ADAMTS8: variants seen among roughly 807,000 people sequenced by gnomAD.
The protein encoded by ADAMTS8 is ADAM metallopeptidase with thrombospondin type 1 motif 8.
Under a neutral mutation model 64.4 loss-of-function variants are expected in ADAMTS8, and 50 were observed. That is an observed-to-expected ratio of 0.78 (90% confidence interval 0.62 to 0.98). The LOEUF (loss-of-function observed/expected upper bound fraction) is 0.98, where lower values mean the gene tolerates loss of function less well. Ranked by LOEUF, ADAMTS8 falls within the 50% of genes least tolerant of loss-of-function variation. ADAMTS8 has a pLI of 0.00. For synonymous variants in ADAMTS8, 556 were observed against 533.6 expected, an observed-to-expected ratio of 1.04 and a Z score of -0.58; for missense variants, 1,192 against 1,208.2, an observed-to-expected ratio of 0.99 and a Z score of 0.20.
In ADAMTS8 at chr11:130,422,973, A is replaced by G. The variant is rs564112230; in HGVS notation, c.721-3681T>C. On this transcript the variant is annotated intron_variant, in intron 1 of 8. Coordinates refer to ENST00000257359, the MANE Select transcript of ADAMTS8 (RefSeq NM_007037.6). ...GCATTCCATATTTTCTTACATCCTC[A>G]AGACAAGGCTAGGACATTGGTATAA... is the stretch of plus-strand genomic sequence containing the variant. Among the ~76,000 whole-genome samples, 91 of 152,356 alleles carry G rather than the reference A, an allele frequency of 6.0e-4. 1 individual carries two copies. The highest frequency in any genetic ancestry group is 2.1e-3 in the African/African-American group (88 of 41,578).
At chr11:130,417,565 A>G (rs1433194300) in intron 2 of ADAMTS8, among the ~76,000 whole-genome samples, 1 of 150,250 alleles carries the variant, frequency 6.7e-6, no homozygotes, top group Non-Finnish European at 1.5e-5. Context: ...CCTAAATTAA[A>G]CTTTAGAGAC....
In ADAMTS8 at chr11:130,409,018, C is replaced by T. The variant is rs915409590; in HGVS notation, c.1751-78G>A. On this transcript the variant is annotated intron_variant, in intron 6 of 8. Transcript: ENST00000257359. ...ATCCGGTGGAGAAATCCCGAATTTA[C>T]AGCACTTTTCTTCTTTCTTTTGGTT... 7 of 1,482,630 alleles carry T rather than the reference C, an allele frequency of 4.7e-6. No homozygotes were observed. In the East Asian group the frequency reaches 1.4e-4, roughly 30 times the overall value. 91.8% of individuals were successfully genotyped at this position (1,482,630 alleles called of 1,614,324 possible).
chr11:130,428,221 C>CA lies in ADAMTS8; in HGVS notation c.65_66insT (p.Leu23AlafsTer177). On this transcript the variant is annotated frameshift_variant, in exon 1 of 9. Transcript: ENST00000257359. LOFTEE classifies it high-confidence loss of function. ...GCCGGGCCGGGGCGCCGCGGGCCAGCGGCAGCAGCAGCAGCAGCAGCAGCA... is the reference window on the plus strand; with the variant it reads ...GCCGGGCCGGGGCGCCGCGGGCCAGCAGGCAGCAGCAGCAGCAGCAGCAGCA... 1 of 1,188,250 alleles carries CA rather than the reference C, an allele frequency of 8.4e-7. No homozygotes were observed. The allele number at this position is 1,188,250 out of a possible 1,614,324, so 73.6% of individuals were successfully genotyped here.
intron 5 of ADAMTS8, among the ~76,000 whole-genome samples, chr11:130,412,952 C>G (rs2134678261): frequency 6.6e-6 from 1 of 152,316 alleles, no homozygotes; most frequent in Admixed American, 6.5e-5. Flanking sequence ...CTCACTGCAA[C>G]TGCCGCCTCC....
chr11:130,414,523 T>C lies in ADAMTS8; in HGVS notation c.1566+8A>G. On this transcript the variant is annotated splice_region_variant and intron_variant, in intron 5 of 8. Transcript: ENST00000257359. ...CCCTCCCCGCTATCCTCAGGGGCTG[T>C]CCCTCACCTTGGGCCTCTCCACTTC... 6.3e-7 allele frequency: 1 copy of C among 1,585,536 alleles called. No individual in the cohort carries two copies. Among genetic ancestry groups the C allele is most frequent in the Non-Finnish European group, 8.6e-7 (1 of 1,162,842 alleles).
In ADAMTS8 at chr11:130,419,313, A is replaced by G; in HGVS notation, c.721-21T>C. On this transcript the variant is annotated intron_variant, in intron 1 of 8. Transcript: ENST00000257359. ...TGGTTCTGTCAGGAAGGAGGAGACA[A>G]GAGGCGGAGTGAAGGGTTAAGTCTC... The G allele has an allele frequency of 1.9e-6, 3 of 1,613,534 alleles. No individual in the cohort carries two copies. In the South Asian group the frequency reaches 3.3e-5, roughly 18 times the overall value.
In ADAMTS8 at chr11:130,411,713, G is replaced by A. The variant is rs1861955528; in HGVS notation, c.1567-113C>T. On this transcript the variant is annotated intron_variant, in intron 5 of 8. Transcript: ENST00000257359. This position sits in a 1 kb window ranked among gnomAD's most constrained non-coding sequence, Gnocchi z 4.2. ...CTCATCTAGTCATTATCATCTTGGT[G>A]CATGGAGTGCCGTAAACTGCCTCAA... 2.7e-6 allele frequency: 3 copies of A among 1,095,750 alleles called. No individual in the cohort carries two copies. The highest frequency in any genetic ancestry group is 2.6e-6 in the Non-Finnish European group (2 of 760,554). The allele number at this position is 1,095,750 out of a possible 1,614,324, so 67.9% of individuals were successfully genotyped here.
At chr11:130,408,350 G>C (rs1180099364) in intron 8 of ADAMTS8, 114 bp downstream of exon 8, 2 of 1,267,428 alleles carry the variant, frequency 1.6e-6, no homozygotes, top group East Asian at 4.7e-5. Flanking sequence ...TAAATAACTT[G>C]CCCAACCCTC....
intron 1 of ADAMTS8, among the ~76,000 whole-genome samples, chr11:130,425,816 T>C (rs983792346): frequency 6.6e-6 from 1 of 152,096 alleles, no homozygotes; most frequent in Non-Finnish European, 1.5e-5. Context: ...TTAGCCAGGA[T>C]GGTCTTGATC....
intron 5 of ADAMTS8, among the ~76,000 whole-genome samples, chr11:130,412,466 G>A (rs989066870): frequency 5.9e-5 from 9 of 152,116 alleles, no homozygotes; most frequent in African/African-American, 1.9e-4. Flanking sequence ...AACCTGCCTC[G>A]GCCTCCCAAA....
intron 6 of ADAMTS8, 91 bp from the exon 7 acceptor site, chr11:130,409,031 C>T (rs983749485): frequency 3.5e-6 from 5 of 1,448,208 alleles, no homozygotes; most frequent in Non-Finnish European, 4.6e-6. Flanking sequence ...CACTTTTCTT[C>T]TTTCTTTTGG....
At chr11:130,422,506 G>A (rs1290359909) in intron 1 of ADAMTS8, among the ~76,000 whole-genome samples, 1 of 152,146 alleles carries the variant, frequency 6.6e-6, no homozygotes, top group African/African-American at 2.4e-5. Flanking sequence ...GCGCCTGGGG[G>A]GAGGTCAGGT....
chr11:130,419,045 G>T lies in ADAMTS8; in HGVS notation c.960+8C>A, dbSNP rs1205111626. ...TCCTCCCCAGGGCTTCCGGAGCCAG[G>T]CACGGACCTGTCTGGTGAGCAGGAT... On this transcript the variant is annotated splice_region_variant and intron_variant, in intron 2 of 8. Transcript: ENST00000257359. 1.2e-6 allele frequency: 2 copies of T among 1,613,850 alleles called. No individual in the cohort carries two copies. The highest frequency in any genetic ancestry group is 1.3e-5 in the African/African-American group (1 of 74,908).
intron 5 of ADAMTS8, among the ~76,000 whole-genome samples, chr11:130,414,291 T>C (rs560821118): frequency 4.6e-5 from 7 of 151,910 alleles, no homozygotes; most frequent in Non-Finnish European, 8.8e-5. Context: ...GCCTGACCTA[T>C]TTTTTATTTT....
At chr11:130,422,945 G>C (rs2134690411) in intron 1 of ADAMTS8, among the ~76,000 whole-genome samples, 2 of 152,354 alleles carry the variant, frequency 1.3e-5, no homozygotes, top group Middle Eastern at 3.4e-3. Flanking sequence ...CACCAGGTCA[G>C]GTGCATTCCA....
At chr11:130,426,848 C>T (rs1281363747) in intron 1 of ADAMTS8, among the ~76,000 whole-genome samples, 1 of 152,240 alleles carries the variant, frequency 6.6e-6, no homozygotes, top group Non-Finnish European at 1.5e-5. Context: ...CTGCGCCCCT[C>T]GCGTTTCCAC....
In ADAMTS8 at chr11:130,419,125, C is replaced by T. The variant is rs753970287; in HGVS notation, c.888G>A (p.Trp296Ter). Residue 296 changes from tryptophan to a stop codon, truncating the protein, a stop_gained, in exon 2 of 9, where the codon TGG becomes TGA. Transcript: ENST00000257359. LOFTEE classifies it high-confidence loss of function. Reference sequence around the variant, plus strand: ...CGCTGGGCTGGTTGAAACGCCGCTGCCAGTTGCAGAAGTTACGCAGTGTAA... The same window carrying T: ...CGCTGGGCTGGTTGAAACGCCGCTGTCAGTTGCAGAAGTTACGCAGTGTAA... ...GGLTLRNFCN[W>*]QRRFNQPSDR... The T allele has an allele frequency of 1.9e-6, 3 of 1,614,210 alleles. No homozygotes were observed. Among genetic ancestry groups the T allele is most frequent in the Non-Finnish European group, 2.5e-6 (3 of 1,180,042 alleles).
chr11:130,417,725 C>T (rs1862046098), intron 2 of ADAMTS8, among the ~76,000 whole-genome samples: 1 of 152,164 alleles, frequency 6.6e-6, no homozygotes, highest in Non-Finnish European at 1.5e-5. Context: ...ATGTGCCTGG[C>T]TGACCTTTTT....
Position 130,416,408 on chromosome 11 carries a change from G to C in ADAMTS8, c.1097-78C>G. On this transcript the variant is annotated intron_variant, in intron 3 of 8. Transcript: ENST00000257359. The surrounding 1 kb of genome is among the most constrained non-coding windows in gnomAD (Gnocchi z 4.8). ...CCTGGCCCAGCTAGGGACAGAGATGGAGCTCCTCAGGGGAGCAGCCACCCC... is the reference window on the plus strand; with the variant it reads ...CCTGGCCCAGCTAGGGACAGAGATGCAGCTCCTCAGGGGAGCAGCCACCCC... 6.9e-7 allele frequency: 1 copy of C among 1,446,068 alleles called. No individual in the cohort carries two copies. Among genetic ancestry groups the C allele is most frequent in the Non-Finnish European group, 9.2e-7 (1 of 1,089,360 alleles). The allele number at this position is 1,446,068 out of a possible 1,614,324, so 89.6% of individuals were successfully genotyped here.
Sources: gnomAD v4.1 joint callset for allele counts (sites outside exome capture counted in the v4.1 genomes callset) on GRCh38, gnomAD v4.1.1 for gene constraint, Gnocchi (gnomAD v3.1) non-coding constraint, MANE v1.5 for transcripts, NCBI Gene and HGNC (gene_info 2026-07-23, HGNC 2026-07-21) for gene names.